EPHB2: variants seen among roughly 807,000 people sequenced by gnomAD.
The protein encoded by EPHB2 is ephrin type-B receptor 2.
A neutral mutation model predicts 96.4 loss-of-function variants in EPHB2; 18 were observed. The ratio of observed to expected loss-of-function variants is 0.19; its 90% CI spans 0.13 to 0.28. EPHB2 has a LOEUF of 0.28. Among genes scored for constraint, EPHB2 ranks in the 10% least tolerant of loss-of-function variants. EPHB2 has a pLI of 1.00. For synonymous variants in EPHB2, 506 were observed against 534.1 expected (o/e 0.95, Z 0.72); for missense variants, 989 against 1,355.4 (o/e 0.73, Z 4.25).
chr1:22,884,679 A>C (rs1639167438), intron 6 of EPHB2, among the ~76,000 whole-genome samples: 3 of 151,334 alleles, frequency 2.0e-5, no homozygotes, highest in African/African-American at 7.3e-5. Context: ...GGATGGGTAG[A>C]TAAATGGATG....
At chr1:22,745,833 G>A (rs1427604200) in intron 1 of EPHB2, among the ~76,000 whole-genome samples, 5 of 152,158 alleles carry the variant, frequency 3.3e-5, no homozygotes, top group African/African-American at 4.8e-5. Flanking sequence ...GGGGCCTGGC[G>A]TCTGCCCACA....
chr1:22,833,507 C>T (rs1645337311), intron 3 of EPHB2, among the ~76,000 whole-genome samples: 1 of 152,108 alleles, frequency 6.6e-6, no homozygotes, highest in Admixed American at 6.6e-5. Flanking sequence ...TTACAACATA[C>T]TAAAATTGTT....
rs768644718 is a variant in EPHB2, at chr1:22,860,424, A to G, written c.812-2613A>G. Reference sequence around the variant, plus strand: ...AGTGCCATAGATACAGAAATGATACAGTGCCCGGTGGTGGGGGTCGAACCT... The same window carrying G: ...AGTGCCATAGATACAGAAATGATACGGTGCCCGGTGGTGGGGGTCGAACCT... On this transcript the variant is annotated intron_variant, in intron 3 of 15. Transcript: ENST00000374630. This position sits in a 1 kb window ranked among gnomAD's most constrained non-coding sequence, Gnocchi z 4.6. Among the ~76,000 whole-genome samples the G allele has an allele frequency of 6.6e-6, 1 of 152,146 alleles. No homozygotes were observed. The highest frequency in any genetic ancestry group is 1.5e-5 in the Non-Finnish European group (1 of 68,020).
At chr1:22,756,812 G>A (rs1644159303) in intron 1 of EPHB2, among the ~76,000 whole-genome samples, 1 of 146,290 alleles carries the variant, frequency 6.8e-6, no homozygotes, top group Non-Finnish European at 1.5e-5. Flanking sequence ...GATATGAGGA[G>A]GCTGTAGACA....
chr1:22,784,290 C>G lies in EPHB2; in HGVS notation c.127-102C>G. 2 of 1,113,682 alleles carry G rather than the reference C, an allele frequency of 1.8e-6. No homozygotes were observed. Among genetic ancestry groups the G allele is most frequent in the South Asian group, 2.6e-5 (2 of 76,216 alleles). 69.0% of individuals were successfully genotyped at this position (1,113,682 alleles called of 1,614,324 possible). On this transcript the variant is annotated intron_variant, in intron 2 of 15. Coordinates refer to ENST00000374630, the MANE Select transcript of EPHB2 (RefSeq NM_017449.5). This position sits in a 1 kb window ranked among gnomAD's most constrained non-coding sequence, Gnocchi z 5.1. ...ATTCTCTGATGTCTTCACCATTAGA[C>G]TGGAGGGTTCCCTAAGGCAGAGTCT...
At chr1:22,754,459 C>G (rs1644112212) in intron 1 of EPHB2, among the ~76,000 whole-genome samples, 1 of 152,096 alleles carries the variant, frequency 6.6e-6, no homozygotes, top group African/African-American at 2.4e-5. Flanking sequence ...ATGTCCGGCT[C>G]CAGCCTGGTG....
chr1:22,848,428 A>G (rs1645575597), intron 3 of EPHB2, among the ~76,000 whole-genome samples: 1 of 152,152 alleles, frequency 6.6e-6, no homozygotes, highest in South Asian at 2.1e-4. Context: ...GTGGAGCCCA[A>G]AACTAGCCCT....
In EPHB2 at chr1:22,780,744, G is replaced by A. The variant is rs192973702; in HGVS notation, c.62-677G>A. 3.3e-4 allele frequency among the ~76,000 whole-genome samples: 50 copies of A among 152,312 alleles called. 1 individual carries two copies. Among genetic ancestry groups the A allele is most frequent in the South Asian group, 2.5e-3 (12 of 4,826 alleles). On this transcript the variant is annotated intron_variant, in intron 1 of 15. Transcript: ENST00000374630. ...CCAGTAGACTCCAGGTTTAGTGGATGTAAGACCCTCCTCGTCCAGAAAAGG... is the reference window on the plus strand; with the variant it reads ...CCAGTAGACTCCAGGTTTAGTGGATATAAGACCCTCCTCGTCCAGAAAAGG...
rs147747582 is a variant in EPHB2 at position 22,781,616 on chromosome 1, C to G, written c.126+131C>G. 3.2e-3 allele frequency: 2,645 copies of G among 824,502 alleles called. 49 individuals are homozygous for G. In the African/African-American group the frequency reaches 0.04, roughly 12 times the overall value. The allele number at this position is 824,502 out of a possible 1,614,324, so 51.1% of individuals were successfully genotyped here. ...GACCCAGAGCCAGGCCTCTCTCAGC[C>G]CCACCCTCCCAATCCCCTACCATTG... On this transcript the variant is annotated intron_variant, in intron 2 of 15. Coordinates refer to ENST00000374630, the MANE Select transcript of EPHB2 (RefSeq NM_017449.5).
At chr1:22,843,117 G>A (rs1263026699) in intron 3 of EPHB2, among the ~76,000 whole-genome samples, 1 of 152,148 alleles carries the variant, frequency 6.6e-6, no homozygotes, top group Non-Finnish European at 1.5e-5. Flanking sequence ...AGGAGAAATA[G>A]GTAATACTAA....
rs1376728704 is a variant in EPHB2, at chr1:22,918,704, A to C, written c.*5134A>C. On this transcript the variant is annotated 3_prime_UTR_variant, in exon 16 of 16. Transcript: ENST00000374630. The surrounding 1 kb of genome is among the most constrained non-coding windows in gnomAD (Gnocchi z 4.2). ...TCTTGCAGCTGCCAGTTTTTCCTTCAGAGAAACTAAGGTCAGAGTGTTGGC... is the reference window on the plus strand; with the variant it reads ...TCTTGCAGCTGCCAGTTTTTCCTTCCGAGAAACTAAGGTCAGAGTGTTGGC... The C allele has an allele frequency of 1.3e-5, 2 of 152,218 alleles. No homozygotes were observed. The highest frequency in any genetic ancestry group is 4.8e-5 in the African/African-American group (2 of 41,454). 9.4% of individuals were successfully genotyped at this position (152,218 alleles called of 1,614,324 possible). A position where few individuals can be genotyped will look rare whatever the true frequency, so the allele number is the denominator to read the frequency against.
chr1:22,739,779 A>C lies in EPHB2; in HGVS notation c.61+28736A>C, dbSNP rs574545750. On this transcript the variant is annotated intron_variant, in intron 1 of 15. Coordinates refer to ENST00000374630, the MANE Select transcript of EPHB2 (RefSeq NM_017449.5). ...GGTCTGAGCCTGCGCAGCAGCCCAG[A>C]AGCTGGGAGTAGAAGGAAGCTGCCC... is the stretch of plus-strand genomic sequence containing the variant. Among the ~76,000 whole-genome samples the C allele has an allele frequency of 1.8e-4, 28 of 152,156 alleles. No homozygotes were observed. The South Asian group carries it at 5.8e-3, about 32-fold the overall frequency.
intron 3 of EPHB2, among the ~76,000 whole-genome samples, chr1:22,825,291 T>C (rs1295101161): frequency 1.3e-5 from 2 of 152,238 alleles, no homozygotes; most frequent in Admixed American, 6.5e-5. Flanking sequence ...GCTGATAACC[T>C]AGATGCTGGC....
chr1:22,792,813 C>A (rs76055076), intron 3 of EPHB2, among the ~76,000 whole-genome samples: 1 of 152,196 alleles, frequency 6.6e-6, no homozygotes, highest in South Asian at 2.1e-4. Context: ...ACAGATACAT[C>A]TACAGACAGT....
At chr1:22,799,081 A>C (rs565573473) in intron 3 of EPHB2, among the ~76,000 whole-genome samples, 1 of 152,168 alleles carries the variant, frequency 6.6e-6, no homozygotes, top group African/African-American at 2.4e-5. Context: ...TGAATAGTGC[A>C]GGAGCAGCTC....
intron 3 of EPHB2, among the ~76,000 whole-genome samples, chr1:22,859,901 C>A (rs897583763): frequency 7.9e-5 from 12 of 152,168 alleles, no homozygotes; most frequent in Non-Finnish European, 1.6e-4. Flanking sequence ...CAAAAAGAAG[C>A]CCTGTTCCCC....
rs773602402 is a variant in EPHB2, at chr1:22,906,681, T to G, written c.1889-29T>G. ...TGGCCCTTCCACCTGGCAAGTGACA[T>G]CCTGTCTGTCTTGGTGTTTCTCTCT... On this transcript the variant is annotated intron_variant, in intron 10 of 15. Transcript: ENST00000374630. This position sits in a 1 kb window ranked among gnomAD's most constrained non-coding sequence, Gnocchi z 4.8. The G allele has an allele frequency of 4.3e-6, 7 of 1,613,904 alleles. No individual in the cohort carries two copies. Among genetic ancestry groups the G allele is most frequent in the Non-Finnish European group, 5.9e-6 (7 of 1,179,974 alleles).
chr1:22,779,312 C>T (rs1644495706), intron 1 of EPHB2, among the ~76,000 whole-genome samples: 1 of 152,298 alleles, frequency 6.6e-6, no homozygotes, highest in East Asian at 1.9e-4. Context: ...TTACCCCACA[C>T]CCCCTCCCTG....
At chr1:22,732,595 T>C (rs1446216145) in intron 1 of EPHB2, among the ~76,000 whole-genome samples, 1 of 152,222 alleles carries the variant, frequency 6.6e-6, no homozygotes, top group East Asian at 1.9e-4. Context: ...AGCTGCCTTT[T>C]GTGCCTCTGC....
Sources: allele counts gnomAD v4.1 joint callset (sites outside exome capture counted in the v4.1 genomes callset), GRCh38; gene constraint gnomAD v4.1.1; non-coding constraint Gnocchi (gnomAD v3.1); transcripts MANE v1.5; gene names NCBI Gene and HGNC (gene_info 2026-07-23, HGNC 2026-07-21).